The following SYT14 variants were observed in gnomAD, a reference collection of about 807,000 sequenced individuals.
SYT14 encodes the protein synaptotagmin-14.
In SYT14, 32 loss-of-function variants were observed where a neutral mutation model predicts 74.2. The ratio of observed to expected loss-of-function variants is 0.43; its 90% confidence interval spans 0.33 to 0.58. The LOEUF (loss-of-function observed/expected upper bound fraction) is 0.58. SYT14 is among the 20% of genes least tolerant of loss of function. The probability of loss-of-function intolerance (pLI) is 0.05; values close to 1 mark genes in which losing one functional copy is unlikely to be tolerated. For synonymous variants in SYT14, 298 were observed against 337.7 expected (o/e 0.88, Z 1.29); for missense variants, 791 against 981.8 (o/e 0.81, Z 2.60).
intron 5 of SYT14, among the ~76,000 whole-genome samples, chr1:210,093,807 A>G (rs930932993): frequency 6.6e-6 from 1 of 152,252 alleles, no homozygotes; most frequent in African/African-American, 2.4e-5. Flanking sequence ...GGACAGATGT[A>G]GAAAAACATT....
At chr1:210,159,082 G>C (rs1009520102) in intron 8 of SYT14, among the ~76,000 whole-genome samples, 17 of 152,062 alleles carry the variant, frequency 1.1e-4, no homozygotes, top group Admixed American at 9.8e-4. Flanking sequence ...TAATTCTGAT[G>C]ATCTTTATAA....
chr1:210,062,264 G>A (rs188055283), intron 5 of SYT14, among the ~76,000 whole-genome samples: 3 of 151,906 alleles, frequency 2.0e-5, no homozygotes, highest in Admixed American at 1.3e-4. Flanking sequence ...ATAACCAAGT[G>A]CATATTTGGA....
chr1:209,958,843 T>C (rs2079031331), intron 2 of SYT14, among the ~76,000 whole-genome samples: 1 of 152,170 alleles, frequency 6.6e-6, no homozygotes, highest in Non-Finnish European at 1.5e-5. Context: ...ATAAACAAAA[T>C]AGAACTAAAA....
intron 7 of SYT14, among the ~76,000 whole-genome samples, chr1:210,146,483 C>T (rs2083037949): frequency 6.6e-6 from 1 of 152,086 alleles, no homozygotes; most frequent in Non-Finnish European, 1.5e-5. Context: ...TTAGGTACTA[C>T]AGTATAATGG....
chr1:209,953,278 G>T (rs907033082), intron 2 of SYT14: 1 of 1,282,288 alleles, frequency 7.8e-7, no homozygotes, highest in Non-Finnish European at 1.0e-6. Flanking sequence ...GTTACTAGGT[G>T]GGAGGCAAGG....
At chr1:210,007,934 A>G (rs1258245308) in intron 2 of SYT14, among the ~76,000 whole-genome samples, 4 of 152,204 alleles carry the variant, frequency 2.6e-5, no homozygotes, top group African/African-American at 7.2e-5. Context: ...AGCAATTACA[A>G]CAATATCTGG....
At chr1:210,126,204 GA>G (rs200079122) in intron 7 of SYT14, among the ~76,000 whole-genome samples, 2,816 of 144,388 alleles carry the variant, frequency 0.02, 39 homozygotes, top group Non-Finnish European at 0.03. Flanking sequence ...TCCGTCTCAA[GA>G]AAAAAAAAAA....
intron 2 of SYT14, among the ~76,000 whole-genome samples, chr1:210,010,962 T>G (rs1288620908): frequency 6.6e-6 from 1 of 152,194 alleles, no homozygotes; most frequent in East Asian, 1.9e-4. Context: ...TGGTGTATAG[T>G]ATCTGCTGTA....
chr1:210,130,372 T>C lies in SYT14; in HGVS notation c.2035-25349T>C, dbSNP rs1413696. 8.4e-3 allele frequency among the ~76,000 whole-genome samples: 1,281 copies of C among 152,086 alleles called. 22 individuals are homozygous for C. Among genetic ancestry groups the C allele is most frequent in the African/African-American group, 0.029 (1,220 of 41,458 alleles). Reference sequence around the variant, plus strand: ...ATTATGACCATGAGAAAAAAAATGGTTTTTTTTCCAGTGTTCATTGTATGT... The same window carrying C: ...ATTATGACCATGAGAAAAAAAATGGCTTTTTTTCCAGTGTTCATTGTATGT... On this transcript the variant is annotated intron_variant, in intron 7 of 9. Coordinates refer to ENST00000637265, the Ensembl canonical transcript of SYT14.
intron 7 of SYT14, among the ~76,000 whole-genome samples, chr1:210,150,374 C>T (rs2083133842): frequency 6.6e-6 from 1 of 152,178 alleles, no homozygotes; most frequent in African/African-American, 2.4e-5. Context: ...CCTACTAAAA[C>T]CCAGCCTGGC....
intron 5 of SYT14, among the ~76,000 whole-genome samples, chr1:210,030,282 C>T (rs1039195977): frequency 2.0e-5 from 3 of 151,928 alleles, no homozygotes; most frequent in African/African-American, 7.3e-5. Context: ...GCTGGGATTA[C>T]AGTTTCCTGC....
chr1:210,035,122 A>G (rs2080630959), intron 5 of SYT14, among the ~76,000 whole-genome samples: 1 of 151,814 alleles, frequency 6.6e-6, no homozygotes, highest in African/African-American at 2.4e-5. Flanking sequence ...TTTTCTCCAC[A>G]TCCTCGCCAA....
chr1:210,036,524 G>A (rs1332062220), intron 5 of SYT14, among the ~76,000 whole-genome samples: 1 of 151,832 alleles, frequency 6.6e-6, no homozygotes, highest in Non-Finnish European at 1.5e-5. Context: ...TCTTAAGGGG[G>A]AATGCTTTCT....
At chr1:210,109,467 A>G (rs1339986431) in intron 7 of SYT14, among the ~76,000 whole-genome samples, 1 of 151,736 alleles carries the variant, frequency 6.6e-6, no homozygotes, top group African/African-American at 2.4e-5. Context: ...AGTCCCAGCT[A>G]TTCGGGACGC....
At chr1:210,130,638 A>G (rs182288812) in intron 7 of SYT14, among the ~76,000 whole-genome samples, 5 of 152,366 alleles carry the variant, frequency 3.3e-5, no homozygotes, top group African/African-American at 9.6e-5. Flanking sequence ...TTCACAGTGT[A>G]AAATGACAGA....
intron 2 of SYT14, among the ~76,000 whole-genome samples, chr1:209,961,897 A>G (rs2079081015): frequency 2.0e-5 from 3 of 152,126 alleles, no homozygotes; most frequent in Admixed American, 6.6e-5. Context: ...GCATATGTCT[A>G]TAGGAAACAG....
chr1:210,004,706 A>T (rs1039779960), intron 2 of SYT14, among the ~76,000 whole-genome samples: 5 of 152,014 alleles, frequency 3.3e-5, no homozygotes, highest in South Asian at 2.1e-4. Context: ...TGTTTCTCAC[A>T]TGATTCTGCT....
chr1:210,120,108 G>A (rs1447087507), intron 7 of SYT14, among the ~76,000 whole-genome samples: 1 of 151,232 alleles, frequency 6.6e-6, no homozygotes, highest in Non-Finnish European at 1.5e-5. Flanking sequence ...TCACTTTTGG[G>A]GCAACTAATG....
At chr1:210,006,996 C>G (rs943830224) in intron 2 of SYT14, among the ~76,000 whole-genome samples, 17 of 151,892 alleles carry the variant, frequency 1.1e-4, no homozygotes, top group African/African-American at 3.9e-4. Context: ...GCAATACTTT[C>G]AAAGTCGAAA....
Sources: allele counts gnomAD v4.1 joint callset (sites outside exome capture counted in the v4.1 genomes callset), GRCh38; gene constraint gnomAD v4.1.1; transcripts MANE v1.5; gene names NCBI Gene and HGNC (gene_info 2026-07-23, HGNC 2026-07-21).